CDH16: variants seen among roughly 807,000 people sequenced by gnomAD.
The protein encoded by CDH16 is cadherin 16.
In CDH16, 79 loss-of-function variants were observed where a neutral mutation model predicts 87.6. The ratio of observed to expected loss-of-function variants is 0.90; its 90% CI spans 0.75 to 1.09. The LOEUF is 1.09. Ranked by LOEUF, CDH16 falls within the 50% of genes least tolerant of loss-of-function variation. CDH16 has a pLI of 0.00. For missense variants in CDH16, 1,124 were observed against 1,071.7 expected, an observed-to-expected ratio of 1.05 and a Z score of -0.68; for synonymous variants, 457 against 439.5, an observed-to-expected ratio of 1.04 and a Z score of -0.50.
chr16:66,913,100 G>C (rs748947219), intron 9 of CDH16, 31 bp downstream of exon 9: 1 of 1,585,146 alleles, frequency 6.3e-7, no homozygotes, highest in South Asian at 1.2e-5. Flanking sequence ...GGTTAATAGA[G>C]ACTTCGTCCC....
In CDH16 at chr16:66,909,893, A is replaced by T; in HGVS notation, c.2275+93T>A. On this transcript the variant is annotated intron_variant, in intron 16 of 17. Coordinates refer to ENST00000299752, the MANE Select transcript of CDH16 (RefSeq NM_004062.4). The surrounding 1 kb of genome is among the most constrained non-coding windows in gnomAD (Gnocchi z 4.1). ...GTGTGCACAGGCATGTGCTGTCCACATGAGCAGCCTGTATGCATGTGTACC... is the reference window on the plus strand; with the variant it reads ...GTGTGCACAGGCATGTGCTGTCCACTTGAGCAGCCTGTATGCATGTGTACC... 1 of 901,970 alleles carries T rather than the reference A, an allele frequency of 1.1e-6. No homozygotes were observed. The highest frequency in any genetic ancestry group is 1.6e-5 in the South Asian group (1 of 63,698). The allele number at this position is 901,970 out of a possible 1,614,324, so 55.9% of individuals were successfully genotyped here. A position where few individuals can be genotyped will look rare whatever the true frequency, so the allele number is the denominator to read the frequency against.
intron 8 of CDH16, 28 bp from the exon 9 acceptor site, chr16:66,913,309 T>A: frequency 6.5e-7 from 1 of 1,547,288 alleles, no homozygotes; most frequent in Non-Finnish European, 8.7e-7. Flanking sequence ...GGGCTTCAGG[T>A]CAGGACCAAG....
intron 6 of CDH16, 95 bp downstream of exon 6, chr16:66,915,125 C>T (rs1596983011): frequency 7.8e-7 from 1 of 1,280,972 alleles, no homozygotes; most frequent in East Asian, 2.4e-5. Flanking sequence ...CTTTTTACCT[C>T]TCAAGCTCCC....
Position 66,911,222 on chromosome 16 carries a change from A to C in CDH16, c.1884T>G (p.Pro628=). 1 of 1,613,520 alleles carries C rather than the reference A, an allele frequency of 6.2e-7. No homozygotes were observed. The highest frequency in any genetic ancestry group is 8.5e-7 in the Non-Finnish European group (1 of 1,179,842). The part of the protein sequence containing the change: ...HTAQSLQGAQ[P]GDTYTVLVEA... ...CCACAAGCACCGTGTAGGTGTCCCC[A>C]GGCTGGGCGCCCTGCAGGGACTGGG... Residue 628 remains proline, a synonymous_variant, in exon 14 of 18, where the codon CCT becomes CCG. Coordinates refer to ENST00000299752, the MANE Select transcript of CDH16 (RefSeq NM_004062.4).
chr16:66,909,924 C>T lies in CDH16; in HGVS notation c.2275+62G>A. On this transcript the variant is annotated intron_variant, in intron 16 of 17. Coordinates refer to ENST00000299752, the MANE Select transcript of CDH16 (RefSeq NM_004062.4). This position sits in a 1 kb window ranked among gnomAD's most constrained non-coding sequence, Gnocchi z 4.1. ...AGCCTGTATGCATGTGTACCAGCTC[C>T]CTCCCCTTGCATCCCAGCGGTTCCC... 8.1e-7 allele frequency: 1 copy of T among 1,231,976 alleles called. No individual in the cohort carries two copies. Among genetic ancestry groups the T allele is most frequent in the South Asian group, 1.4e-5 (1 of 73,720 alleles). 76.3% of individuals were successfully genotyped at this position (1,231,976 alleles called of 1,614,324 possible).
rs1962241484 is a variant in CDH16, at chr16:66,908,200, T to C, written c.*192A>G. The C allele has an allele frequency of 3.3e-6, 2 of 598,346 alleles. No individual in the cohort carries two copies. The highest frequency in any genetic ancestry group is 2.9e-5 in the Admixed American group (1 of 34,396). The allele number at this position is 598,346 out of a possible 1,614,324, so 37.1% of individuals were successfully genotyped here. A position where few individuals can be genotyped will look rare whatever the true frequency, so the allele number is the denominator to read the frequency against. On this transcript the variant is annotated 3_prime_UTR_variant, in exon 18 of 18. Coordinates refer to ENST00000299752, the MANE Select transcript of CDH16 (RefSeq NM_004062.4). ...CACCCTGACATTTGGAGCACTCCCA[T>C]GGGCAGTCCATAAAGTTGGTGTCCA...
rs1330986689 is a variant in CDH16, at chr16:66,912,333, A to G, written c.1457T>C (p.Met486Thr). 6.2e-7 allele frequency: 1 copy of G among 1,614,122 alleles called. No individual in the cohort carries two copies. Among genetic ancestry groups the G allele is most frequent in the African/African-American group, 1.3e-5 (1 of 75,014 alleles). Residue 486 changes from methionine to threonine, a missense_variant, in exon 12 of 18, where the codon ATG (methionine) becomes ACG (threonine). By Grantham distance (81) the Met-to-Thr change is moderately conservative. Coordinates refer to ENST00000299752, the MANE Select transcript of CDH16 (RefSeq NM_004062.4). ...GTCTCCCCTCTCAATGGCAAAATCCATGAGGCGGAAGGCGGGCTCGAGGTC... is the reference window on the plus strand; with the variant it reads ...GTCTCCCCTCTCAATGGCAAAATCCGTGAGGCGGAAGGCGGGCTCGAGGTC... ...DADLEPAFRL[M>T]DFAIERGDTE...
chr16:66,910,484 GC>G lies in CDH16; in HGVS notation c.1942del (p.Ala648LeufsTer6). 6.5e-7 allele frequency: 1 copy of G among 1,544,800 alleles called. No individual in the cohort carries two copies. The highest frequency in any genetic ancestry group is 8.8e-7 in the Non-Finnish European group (1 of 1,141,530). ...AQDTDEPRLS[A>X]SAPLVIHFLK... ...GAAGTGGATCACCAGGGGTGCAGAA[GC>G]GCTCAGTCTCGGCTCATCTGCAGAG... is the stretch of plus-strand genomic sequence containing the variant. On this transcript the variant is annotated frameshift_variant, in exon 15 of 18. Transcript: ENST00000299752. LOFTEE classifies it high-confidence loss of function.
At chr16:66,908,809 GAACCAGCAAGGAA>G (rs1382158533) in intron 17 of CDH16, among the ~76,000 whole-genome samples, 1 of 152,172 alleles carries the variant, frequency 6.6e-6, no homozygotes, top group Non-Finnish European at 1.5e-5. Context: ...CAGTGTGCTA[GAACCAGCAAGGAA>G]AACCAGCAAG....
Position 66,917,648 on chromosome 16 carries a change from C to T in CDH16, c.123G>A (p.Leu41=), listed in dbSNP as rs772280732. The T allele has an allele frequency of 2.3e-5, 37 of 1,612,200 alleles. No homozygotes were observed. The highest frequency in any genetic ancestry group is 2.8e-5 in the Non-Finnish European group (33 of 1,178,846). Residue 41 remains leucine, a synonymous_variant, in exon 3 of 18, where the codon CTG becomes CTA. Transcript: ENST00000299752. ...CCCCAGCTCTCCGGCTCACCTTGGT[C>T]AGGTATAAAGGGAAATTTCCACCAT... The part of the protein sequence containing the change: ...ENYGGNFPLY[L]TKLPLPREGA...
At chr16:66,917,827 G>C (rs1285531196) in intron 2 of CDH16, 102 bp from the exon 3 acceptor site, 2 of 1,126,524 alleles carry the variant, frequency 1.8e-6, no homozygotes, top group African/African-American at 3.1e-5. Context: ...GGGCCTGGCT[G>C]TACCTTAGTC....
rs773098450 is a variant in CDH16 at position 66,913,265 on chromosome 16, C to T, written c.920G>A (p.Arg307Gln). The T allele has an allele frequency of 9.0e-6, 14 of 1,556,344 alleles. No individual in the cohort carries two copies. Among genetic ancestry groups the T allele is most frequent in the Admixed American group, 3.7e-5 (2 of 53,342 alleles). Residue 307 changes from arginine to glutamine, a missense_variant, in exon 9 of 18, where the codon CGG becomes CAG. Transcript: ENST00000299752. ...EAQAEYLLQV[R>Q]AQNSHGEDYA... ...GTCCTCGCCATGGGAATTCTGAGCC[C>T]GCACCTGGAGCAGGTACTGCGGTGG...
At chr16:66,912,170 G>A (rs75675064) in intron 12 of CDH16, 30 bp from the exon 13 acceptor site, 34,779 of 1,606,446 alleles carry the variant, frequency 0.022, 463 homozygotes, top group Non-Finnish European at 0.027. Flanking sequence ...GTCACTGTGC[G>A]GGCCTGGGCA....
intron 17 of CDH16, 64 bp from the exon 18 acceptor site, chr16:66,908,553 G>A: frequency 8.0e-7 from 1 of 1,246,922 alleles, no homozygotes; most frequent in South Asian, 1.2e-5. Context: ...TCATCACGAG[G>A]GACTTCCTGT....
chr16:66,909,504 T>TGCA lies in CDH16; in HGVS notation c.2276-122_2276-121insTGC. 1 of 689,498 alleles carries TGCA rather than the reference T, an allele frequency of 1.5e-6. No individual in the cohort carries two copies. Among genetic ancestry groups the TGCA allele is most frequent in the Non-Finnish European group, 2.5e-6 (1 of 393,712 alleles). 42.7% of individuals were successfully genotyped at this position (689,498 alleles called of 1,614,324 possible). A position where few individuals can be genotyped will look rare whatever the true frequency, so the allele number is the denominator to read the frequency against. On this transcript the variant is annotated intron_variant, in intron 16 of 17. Transcript: ENST00000299752. The surrounding 1 kb of genome is among the most constrained non-coding windows in gnomAD (Gnocchi z 4.1). ...TTCTGCACATGTGTGTATTCACATGTGTGTGAAGATATATGCGCTAGCCAG... is the reference window on the plus strand; with the variant it reads ...TTCTGCACATGTGTGTATTCACATGTGCAGTGTGAAGATATATGCGCTAGCCAG...
chr16:66,913,169 C>T lies in CDH16; in HGVS notation c.1016G>A (p.Arg339His), dbSNP rs143698621. ...CTCAGGGATGCTGACTGTGGGGTCA[C>T]GGGGAGGGCAGATAGGCACGTTGTC... ...ENDNVPICPP[R>H]DPTVSIPELS... Residue 339 changes from arginine (R) to histidine (H), a missense_variant, in exon 9 of 18, where the codon CGT (arginine) becomes CAT (histidine). By Grantham distance (29) the Arg-to-His change is conservative. Transcript: ENST00000299752. The T allele has an allele frequency of 8.7e-5, 140 of 1,609,620 alleles. No individual in the cohort carries two copies. The African/African-American group carries it at 1.7e-3, about 19-fold the overall frequency.
intron 15 of CDH16, 27 bp downstream of exon 15, chr16:66,910,233 G>A (rs1567530439): frequency 6.4e-7 from 1 of 1,568,432 alleles, no homozygotes; most frequent in East Asian, 2.3e-5. Flanking sequence ...CTTGGCCACA[G>A]CCTCCCTCCC....
At chr16:66,917,976 C>G in intron 2 of CDH16, 45 bp downstream of exon 2, 1 of 1,514,826 alleles carries the variant, frequency 6.6e-7, no homozygotes. Context: ...GGGTGTCAAC[C>G]CCCAAAGCCA....
intron 7 of CDH16, among the ~76,000 whole-genome samples, chr16:66,913,969 C>A (rs953036843): frequency 5.9e-5 from 9 of 152,226 alleles, no homozygotes; most frequent in African/African-American, 2.2e-4. Flanking sequence ...TCTGAGGAAG[C>A]CCTGGGCAAG....
Sources: allele counts gnomAD v4.1 joint callset (sites outside exome capture counted in the v4.1 genomes callset), GRCh38; gene constraint gnomAD v4.1.1; non-coding constraint Gnocchi (gnomAD v3.1); transcripts MANE v1.5; gene names NCBI Gene and HGNC (gene_info 2026-07-23, HGNC 2026-07-21).